The following COL24A1 variants were observed in gnomAD, a reference collection of about 807,000 sequenced individuals.
COL24A1 encodes the protein collagen type XXIV alpha 1 chain, also known as collagen alpha-1(XXIV) chain.
COL24A1 carries 224 observed loss-of-function variants against 253.9 expected under a neutral mutation model. The observed-to-expected ratio is 0.88, with a 90% CI of 0.79 to 0.99. COL24A1 has a LOEUF of 0.99. Ranked by LOEUF, COL24A1 falls within the 50% of genes least tolerant of loss-of-function variation. The probability of loss-of-function intolerance (pLI) is 0.00; values close to 1 mark genes in which losing one functional copy is unlikely to be tolerated. For synonymous variants in COL24A1, 685 were observed against 673.7 expected, an observed-to-expected ratio of 1.02 and a Z score of -0.26; for missense variants, 2,131 against 2,068.5, an observed-to-expected ratio of 1.03 and a Z score of -0.59.
chr1:85,890,425 T>TTC (rs199567979), intron 31 of COL24A1, among the ~76,000 whole-genome samples: 19 of 151,678 alleles, frequency 1.3e-4, no homozygotes, highest in South Asian at 4.2e-4. Flanking sequence ...TTTTTTTTTT[T>TTC]AGAACAGCAT....
At chr1:85,846,611 A>G (rs1261101234) in intron 39 of COL24A1, among the ~76,000 whole-genome samples, 3 of 152,152 alleles carry the variant, frequency 2.0e-5, no homozygotes, top group Non-Finnish European at 4.4e-5. Context: ...AAAAAGTGCA[A>G]TTGGGAAAGT....
chr1:85,949,650 C>T (rs533229505), intron 24 of COL24A1, among the ~76,000 whole-genome samples: 36 of 152,126 alleles, frequency 2.4e-4, no homozygotes, highest in Middle Eastern at 3.4e-3. Context: ...TGAAGCATTT[C>T]GCTGTCATTT....
At chr1:85,827,229 T>C (rs1342803540) in intron 43 of COL24A1, among the ~76,000 whole-genome samples, 2 of 152,066 alleles carry the variant, frequency 1.3e-5, no homozygotes, top group Non-Finnish European at 1.5e-5. Context: ...GGATTACATT[T>C]ATTGAATTGC....
intron 53 of COL24A1, among the ~76,000 whole-genome samples, chr1:85,768,430 G>T (rs527508187): frequency 2.6e-5 from 4 of 152,060 alleles, no homozygotes; most frequent in Non-Finnish European, 5.9e-5. Flanking sequence ...TGGAAGAAAC[G>T]ACAAGAAACC....
intron 2 of COL24A1, among the ~76,000 whole-genome samples, chr1:86,137,376 C>T (rs372043632): frequency 6.6e-6 from 1 of 152,136 alleles, no homozygotes; most frequent in Non-Finnish European, 1.5e-5. Flanking sequence ...ACATAATTTG[C>T]ATAACAACTG....
chr1:85,960,166 C>A (rs1502659), intron 24 of COL24A1, among the ~76,000 whole-genome samples: 14,606 of 147,048 alleles, frequency 0.099, 805 homozygotes, highest in East Asian at 0.17. Flanking sequence ...GTCACAAGAC[C>A]AAGATTTATA....
intron 1 of COL24A1, among the ~76,000 whole-genome samples, chr1:86,149,126 C>T (rs1020033824): frequency 2.0e-5 from 3 of 152,174 alleles, no homozygotes; most frequent in Non-Finnish European, 4.4e-5. Flanking sequence ...AACTCCTGAC[C>T]TCAGGTGATC....
rs538415270 is a variant in COL24A1, at chr1:86,096,663, T to G, written c.1600-4343A>C. On this transcript the variant is annotated intron_variant, in intron 5 of 59. Coordinates refer to ENST00000370571, the MANE Select transcript of COL24A1 (RefSeq NM_152890.7). The stretch of plus-strand genomic sequence containing the variant: ...CATAAATGACCCTACTTCCCCTTTC[T>G]CTCTCTGTCTTATAAGCTTACCTGG... Among the ~76,000 whole-genome samples the G allele has an allele frequency of 2.0e-5, 3 of 152,214 alleles. No individual in the cohort carries two copies. The South Asian group carries it at 6.2e-4, about 32-fold the overall frequency.
At position 85,936,302 on chromosome 1, in the gene COL24A1, C is replaced by T. The variant is rs752601511; in HGVS notation, c.2563-24869G>A. The stretch of plus-strand genomic sequence containing the variant: ...ATTATAATTTAGCATTCTCCCCTAA[C>T]ATAACCTCTCCCCTGTAAGAAAACG... On this transcript the variant is annotated intron_variant, in intron 24 of 59. Transcript: ENST00000370571. 8.1e-5 allele frequency among the ~76,000 whole-genome samples: 12 copies of T among 147,348 alleles called. 3 individuals are homozygous for T. Among genetic ancestry groups the T allele is most frequent in the Non-Finnish European group, 1.5e-4 (10 of 66,692 alleles).
intron 12 of COL24A1, among the ~76,000 whole-genome samples, chr1:86,039,162 C>T (rs1412883436): frequency 3.3e-5 from 5 of 152,078 alleles, no homozygotes; most frequent in Non-Finnish European, 7.4e-5. Flanking sequence ...CCCTCTAAAG[C>T]TCAGAGCCCA....
intron 48 of COL24A1, among the ~76,000 whole-genome samples, chr1:85,785,369 A>G (rs961735584): frequency 3.9e-5 from 6 of 152,206 alleles, no homozygotes; most frequent in African/African-American, 7.2e-5. Flanking sequence ...TTTAGGAATC[A>G]GGTGGATTTT....
chr1:85,781,129 C>G (rs1669099194), intron 52 of COL24A1, 91 bp downstream of exon 52: 2 of 963,694 alleles, frequency 2.1e-6, no homozygotes, highest in Non-Finnish European at 3.0e-6. Context: ...ATTTTCTTCT[C>G]AAATACCCAG....
At chr1:85,917,178 TC>T (rs1685977138) in intron 24 of COL24A1, among the ~76,000 whole-genome samples, 1 of 152,180 alleles carries the variant, frequency 6.6e-6, no homozygotes, top group Non-Finnish European at 1.5e-5. Flanking sequence ...ACAGCATAAA[TC>T]CTTTTCAAAA....
At chr1:86,132,652 A>G (rs553005232) in intron 2 of COL24A1, among the ~76,000 whole-genome samples, 2 of 152,040 alleles carry the variant, frequency 1.3e-5, no homozygotes, top group Non-Finnish European at 2.9e-5. Context: ...TTTTTGTCAG[A>G]TTTGTTAAAG....
chr1:85,742,057 T>A (rs752218244), intron 57 of COL24A1, among the ~76,000 whole-genome samples: 1 of 152,158 alleles, frequency 6.6e-6, no homozygotes, highest in Non-Finnish European at 1.5e-5. Flanking sequence ...TTAGTTTTGT[T>A]TGCTAGTTCG....
At chr1:86,071,293 A>C (rs1701856447) in intron 7 of COL24A1, among the ~76,000 whole-genome samples, 1 of 152,166 alleles carries the variant, frequency 6.6e-6, no homozygotes, top group Admixed American at 6.6e-5. Flanking sequence ...CTACTAGATA[A>C]AAATCACCTT....
At chr1:85,848,855 T>A (rs930515752) in intron 38 of COL24A1, among the ~76,000 whole-genome samples, 1 of 152,200 alleles carries the variant, frequency 6.6e-6, no homozygotes, top group Admixed American at 6.5e-5. Flanking sequence ...TCACTATGAA[T>A]GTTGATTTTA....
chr1:85,997,055 G>GTGTGTGTATATATA, intron 19 of COL24A1, among the ~76,000 whole-genome samples: 35 of 95,120 alleles, frequency 3.7e-4, no homozygotes, highest in African/African-American at 1.1e-3. Flanking sequence ...GTGTGTGTGT[G>GTGTGTGTATATATA]TATATATATA....
chr1:86,022,947 AC>A lies in COL24A1; in HGVS notation c.2103+6del, dbSNP rs1350468737. The A allele has an allele frequency of 6.2e-7, 1 of 1,613,268 alleles. No individual in the cohort carries two copies. The highest frequency in any genetic ancestry group is 1.3e-5 in the African/African-American group (1 of 75,004). On this transcript the variant is annotated splice_donor_region_variant and intron_variant, in intron 15 of 59. Transcript: ENST00000370571. ...GGGAAATATCCATTATACAAATAGA[AC>A]CATACCATTGGGCCAGGAATTCCAG...
Sources: allele counts gnomAD v4.1 joint callset (sites outside exome capture counted in the v4.1 genomes callset), GRCh38; gene constraint gnomAD v4.1.1; transcripts MANE v1.5; gene names NCBI Gene and HGNC (gene_info 2026-07-23, HGNC 2026-07-21).